CDH18: variants seen among roughly 807,000 people sequenced by gnomAD.
The protein encoded by CDH18 is cadherin-18.
Under a neutral mutation model 67.9 loss-of-function variants are expected in CDH18, and 31 were observed. That is an observed-to-expected ratio of 0.46 (90% CI 0.34 to 0.62). The LOEUF is 0.62. CDH18 is among the 20% of genes least tolerant of loss of function. The probability of loss-of-function intolerance (pLI) is 0.01; values close to 1 mark genes in which losing one functional copy is unlikely to be tolerated. For missense variants in CDH18, 890 were observed against 975.5 expected (o/e 0.91, Z 1.17); for synonymous variants, 362 against 347.2 (o/e 1.04, Z -0.48).
chr5:20,401,541 C>A lies in CDH18; in HGVS notation c.-579-146036G>T, dbSNP rs529422197. Among the ~76,000 whole-genome samples the A allele has an allele frequency of 1.2e-4, 18 of 152,216 alleles. No individual in the cohort carries two copies. In the East Asian group the frequency reaches 3.3e-3, roughly 28 times the overall value. On this transcript the variant is annotated intron_variant, in intron 1 of 14. Transcript: ENST00000507958. ...AATCTTTATATACCAAGTGATAAACCTGTATTTCCTCACCTTCAAAACCAC... is the reference window on the plus strand; with the variant it reads ...AATCTTTATATACCAAGTGATAAACATGTATTTCCTCACCTTCAAAACCAC...
intron 2 of CDH18, among the ~76,000 whole-genome samples, chr5:20,060,196 G>A (rs1251976926): frequency 6.6e-6 from 1 of 152,166 alleles, no homozygotes; most frequent in Non-Finnish European, 1.5e-5. Flanking sequence ...GGAGCGTGGT[G>A]ACTCATGCCT....
intron 8 of CDH18, among the ~76,000 whole-genome samples, chr5:19,544,541 T>TA (rs1272671304): frequency 2.0e-5 from 3 of 148,904 alleles, no homozygotes; most frequent in African/African-American, 7.7e-5. Context: ...AAGAATGAGA[T>TA]AAAAAAATAA....
At chr5:20,389,835 A>T (rs990785327) in intron 1 of CDH18, among the ~76,000 whole-genome samples, 1 of 152,162 alleles carries the variant, frequency 6.6e-6, no homozygotes, top group Non-Finnish European at 1.5e-5. Flanking sequence ...ACAATGCTGC[A>T]TATCTACAAC....
chr5:20,558,995 T>TATATAAAG (rs1758060172), intron 1 of CDH18, among the ~76,000 whole-genome samples: 1 of 150,986 alleles, frequency 6.6e-6, no homozygotes, highest in Non-Finnish European at 1.5e-5. Context: ...GAACAAACAC[T>TATATAAAG]TGTTGAGTTG....
intron 5 of CDH18, among the ~76,000 whole-genome samples, chr5:19,658,716 T>C (rs568387586): frequency 9.9e-4 from 150 of 152,066 alleles, no homozygotes; most frequent in African/African-American, 3.5e-3. Flanking sequence ...GTTTGTTACA[T>C]ATATATACAT....
chr5:20,486,367 T>C (rs1298746689), intron 1 of CDH18, among the ~76,000 whole-genome samples: 3 of 152,184 alleles, frequency 2.0e-5, no homozygotes, highest in East Asian at 3.9e-4. Context: ...ACTCAATATA[T>C]GCAACAATAA....
At chr5:19,695,473 T>C (rs1467748363) in intron 5 of CDH18, among the ~76,000 whole-genome samples, 1 of 152,226 alleles carries the variant, frequency 6.6e-6, no homozygotes, top group Non-Finnish European at 1.5e-5. Context: ...GCTAGTCTAC[T>C]TTATGTAAAA....
intron 1 of CDH18, among the ~76,000 whole-genome samples, chr5:20,500,180 T>G (rs1424489635): frequency 1.3e-5 from 2 of 152,194 alleles, no homozygotes; most frequent in African/African-American, 2.4e-5. Flanking sequence ...GGAAAATGCC[T>G]TCTTTTCTAC....
chr5:20,325,400 T>C (rs1288313649), intron 1 of CDH18, among the ~76,000 whole-genome samples: 1 of 152,200 alleles, frequency 6.6e-6, no homozygotes, highest in East Asian at 1.9e-4. Context: ...TTCAAAAACT[T>C]GTTCCATGGG....
intron 2 of CDH18, among the ~76,000 whole-genome samples, chr5:20,096,902 C>T (rs1424431817): frequency 6.6e-6 from 1 of 151,962 alleles, no homozygotes; most frequent in Non-Finnish European, 1.5e-5. Flanking sequence ...AAACAGCTGC[C>T]CAAAGAGTCA....
chr5:20,088,493 G>A (rs113684233), intron 2 of CDH18, among the ~76,000 whole-genome samples: 4 of 152,214 alleles, frequency 2.6e-5, no homozygotes, highest in African/African-American at 9.6e-5. Context: ...CTTTTCTCCT[G>A]GATGACTAAG....
chr5:19,837,798 AT>A (rs1781845462), intron 3 of CDH18, among the ~76,000 whole-genome samples: 1 of 112,448 alleles, frequency 8.9e-6, no homozygotes, highest in Non-Finnish European at 2.0e-5. Context: ...GTGAGAATAA[AT>A]CATCAATCGG....
intron 1 of CDH18, among the ~76,000 whole-genome samples, chr5:20,378,432 T>C (rs1743643402): frequency 6.6e-6 from 1 of 151,998 alleles, no homozygotes; most frequent in Admixed American, 6.6e-5. Context: ...AGAAGGAGGA[T>C]GGAGGCAGTC....
chr5:19,835,533 C>T (rs1364834016), intron 3 of CDH18, among the ~76,000 whole-genome samples: 1 of 151,662 alleles, frequency 6.6e-6, no homozygotes, highest in African/African-American at 2.4e-5. Flanking sequence ...ATAATTGGTT[C>T]ACTATGAATG....
chr5:19,594,726 C>A (rs1745888934), intron 6 of CDH18, among the ~76,000 whole-genome samples: 1 of 152,156 alleles, frequency 6.6e-6, no homozygotes, highest in Non-Finnish European at 1.5e-5. Flanking sequence ...TAGAATTGTT[C>A]TTTGCTCTCC....
intron 2 of CDH18, among the ~76,000 whole-genome samples, chr5:19,936,060 G>A (rs552089003): frequency 8.6e-5 from 13 of 151,202 alleles, no homozygotes; most frequent in Middle Eastern, 3.4e-3. Context: ...TATAATTAGC[G>A]TGATACAACA....
intron 3 of CDH18, among the ~76,000 whole-genome samples, chr5:19,835,610 T>C (rs1275043295): frequency 6.6e-6 from 1 of 152,160 alleles, no homozygotes; most frequent in African/African-American, 2.4e-5. Context: ...AAGGGAATTA[T>C]TTTAAGCATA....
chr5:20,016,203 A>C (rs1279280163), intron 2 of CDH18, among the ~76,000 whole-genome samples: 1 of 152,084 alleles, frequency 6.6e-6, no homozygotes, highest in Non-Finnish European at 1.5e-5. Context: ...TAGCAAACTA[A>C]CCCAGGAACA....
At chr5:19,996,929 A>G (rs970348890) in intron 2 of CDH18, among the ~76,000 whole-genome samples, 1 of 152,070 alleles carries the variant, frequency 6.6e-6, no homozygotes, top group African/African-American at 2.4e-5. Flanking sequence ...TATTCAGAAA[A>G]TACAAACAGA....
Sources: gnomAD v4.1 joint callset for allele counts (sites outside exome capture counted in the v4.1 genomes callset) on GRCh38, gnomAD v4.1.1 for gene constraint, MANE v1.5 for transcripts, NCBI Gene and HGNC (gene_info 2026-07-23, HGNC 2026-07-21) for gene names.